The following GPC6 variants were observed in gnomAD, a reference collection of about 807,000 sequenced individuals.
GPC6 encodes glypican-6.
GPC6 carries 14 observed loss-of-function variants against 55.2 expected under a neutral mutation model. That is an observed-to-expected ratio of 0.25 (90% CI 0.17 to 0.40). The LOEUF (loss-of-function observed/expected upper bound fraction) is 0.40. Among genes scored for constraint, GPC6 ranks in the 10% least tolerant of loss-of-function variants. GPC6 has a pLI of 1.00. For synonymous variants in GPC6, 278 were observed against 259.6 expected (o/e 1.07, Z -0.68); for missense variants, 641 against 708.5 (o/e 0.90, Z 1.08).
chr13:93,599,699 C>G (rs1877929801), intron 2 of GPC6, among the ~76,000 whole-genome samples: 1 of 152,128 alleles, frequency 6.6e-6, no homozygotes, highest in Non-Finnish European at 1.5e-5. Flanking sequence ...TTATTTTTTT[C>G]ACTGTTACTG....
chr13:93,429,391 G>A (rs562862051), intron 1 of GPC6, among the ~76,000 whole-genome samples: 2 of 152,088 alleles, frequency 1.3e-5, no homozygotes, highest in South Asian at 2.1e-4. Flanking sequence ...CTTGGCATTC[G>A]TAGCTCTATT....
At chr13:93,415,630 C>G (rs1338596546) in intron 1 of GPC6, among the ~76,000 whole-genome samples, 1 of 152,128 alleles carries the variant, frequency 6.6e-6, no homozygotes, top group Non-Finnish European at 1.5e-5. Context: ...ACCATGCTTT[C>G]TAGCACCAAT....
intron 3 of GPC6, among the ~76,000 whole-genome samples, chr13:93,923,882 T>G (rs1157893003): frequency 6.6e-6 from 1 of 152,232 alleles, no homozygotes; most frequent in African/African-American, 2.4e-5. Flanking sequence ...TTATTACTCA[T>G]GATCTATCCT....
chr13:93,467,544 C>A (rs1294099201), intron 1 of GPC6, among the ~76,000 whole-genome samples: 1 of 150,432 alleles, frequency 6.6e-6, no homozygotes, highest in African/African-American at 2.5e-5. Flanking sequence ...CAGAATAATA[C>A]CTGATGCTAC....
At chr13:94,234,474 T>A (rs7321687) in intron 4 of GPC6, among the ~76,000 whole-genome samples, 8 of 149,642 alleles carry the variant, frequency 5.3e-5, no homozygotes, top group Non-Finnish European at 1.0e-4. Context: ...AAAATATGTC[T>A]CTGTTGAACA....
intron 1 of GPC6, among the ~76,000 whole-genome samples, chr13:93,342,243 G>A (rs369496726): frequency 2.0e-5 from 3 of 152,100 alleles, no homozygotes; most frequent in East Asian, 3.9e-4. Context: ...AAGACTGGGA[G>A]AACATAGGTG....
chr13:93,615,441 G>A (rs1461893656), intron 2 of GPC6, among the ~76,000 whole-genome samples: 3 of 152,066 alleles, frequency 2.0e-5, no homozygotes, highest in Non-Finnish European at 2.9e-5. Flanking sequence ...TAGATATTCA[G>A]TGAAAAAGGT....
rs144359190 is a variant in GPC6 at position 94,234,172 on chromosome 13, G to A, written c.878-52177G>A. The stretch of plus-strand genomic sequence containing the variant: ...ATCTGGGGAAACCGAGGCTCAGATA[G>A]GTGATTCAAAGCCTAAATGCTAAAG... On this transcript the variant is annotated intron_variant, in intron 4 of 8. Transcript: ENST00000377047. 1.9e-3 allele frequency among the ~76,000 whole-genome samples: 292 copies of A among 152,226 alleles called. 3 individuals are homozygous for A. The highest frequency in any genetic ancestry group is 6.7e-3 in the African/African-American group (280 of 41,526).
At chr13:94,398,794 G>A (rs761119673) in intron 8 of GPC6, among the ~76,000 whole-genome samples, 153 bp downstream of exon 8, 1 of 152,138 alleles carries the variant, frequency 6.6e-6, no homozygotes, top group Non-Finnish European at 1.5e-5. Context: ...TGGACAGAGA[G>A]CTCTGATCCA....
chr13:93,436,457 C>T (rs946822518), intron 1 of GPC6, among the ~76,000 whole-genome samples: 8 of 152,006 alleles, frequency 5.3e-5, no homozygotes, highest in East Asian at 1.9e-4. Flanking sequence ...CTTTTTTATA[C>T]GGATGGTTAA....
Position 93,353,758 on chromosome 13 carries a change from C to T in GPC6, c.160+126142C>T, listed in dbSNP as rs150305768. Among the ~76,000 whole-genome samples, 5 of 152,270 alleles carry T rather than the reference C, an allele frequency of 3.3e-5. 1 individual carries two copies. Among genetic ancestry groups the T allele is most frequent in the Non-Finnish European group, 7.4e-5 (5 of 68,020 alleles). ...TACTATAGGTAAGTTGGGCGGAAATCCTTGCTGTTATGTTTAATGTCCCTT... is the reference window on the plus strand; with the variant it reads ...TACTATAGGTAAGTTGGGCGGAAATTCTTGCTGTTATGTTTAATGTCCCTT... On this transcript the variant is annotated intron_variant, in intron 1 of 8. Coordinates refer to ENST00000377047, the MANE Select transcript of GPC6 (RefSeq NM_005708.5).
intron 2 of GPC6, among the ~76,000 whole-genome samples, chr13:93,735,618 A>G (rs1458439662): frequency 6.6e-6 from 1 of 152,156 alleles, no homozygotes; most frequent in African/African-American, 2.4e-5. Context: ...CAGGTTAGTC[A>G]TGAAACTGAT....
chr13:94,195,722 C>T (rs1889551054), intron 4 of GPC6, among the ~76,000 whole-genome samples: 1 of 152,180 alleles, frequency 6.6e-6, no homozygotes, highest in African/African-American at 2.4e-5. Context: ...AAATGTGGCT[C>T]CTGCCACACA....
chr13:93,634,292 G>T (rs1026107465), intron 2 of GPC6, among the ~76,000 whole-genome samples: 8 of 152,190 alleles, frequency 5.3e-5, no homozygotes, highest in Non-Finnish European at 7.3e-5. Flanking sequence ...AGACATTAGT[G>T]ACGCCTTATG....
intron 6 of GPC6, among the ~76,000 whole-genome samples, chr13:94,322,483 G>A (rs1027301156): frequency 3.3e-5 from 5 of 152,130 alleles, no homozygotes; most frequent in African/African-American, 9.7e-5. Context: ...TTCATGGGCA[G>A]TGTGTCTCGT....
At chr13:93,681,135 T>C (rs1414828970) in intron 2 of GPC6, among the ~76,000 whole-genome samples, 1 of 152,180 alleles carries the variant, frequency 6.6e-6, no homozygotes, top group East Asian at 1.9e-4. Context: ...TTGATAAGTA[T>C]GAAGAAGATA....
At chr13:93,953,315 T>C (rs1240934930) in intron 3 of GPC6, among the ~76,000 whole-genome samples, 2 of 152,184 alleles carry the variant, frequency 1.3e-5, no homozygotes, top group Non-Finnish European at 2.9e-5. Context: ...TGACTCTTCA[T>C]ATTGTCATCT....
chr13:93,752,764 A>G (rs1884641695), intron 2 of GPC6, among the ~76,000 whole-genome samples: 1 of 152,130 alleles, frequency 6.6e-6, no homozygotes, highest in South Asian at 2.1e-4. Context: ...TGCAACATTT[A>G]TGGGACAGGC....
At position 93,300,081 on chromosome 13, in the gene GPC6, T is replaced by A. The variant is rs180925021; in HGVS notation, c.160+72465T>A. The stretch of plus-strand genomic sequence containing the variant: ...GCCTGCAGGGCAGAGAGATATTCTA[T>A]CTCCAAATACATGCCAAGGTCACCG... On this transcript the variant is annotated intron_variant, in intron 1 of 8. Transcript: ENST00000377047. Among the ~76,000 whole-genome samples the A allele has an allele frequency of 1.5e-3, 222 of 152,306 alleles. 2 individuals carry two copies. Among genetic ancestry groups the A allele is most frequent in the African/African-American group, 5.1e-3 (212 of 41,572 alleles).
Sources: allele counts gnomAD v4.1 joint callset (sites outside exome capture counted in the v4.1 genomes callset), GRCh38; gene constraint gnomAD v4.1.1; transcripts MANE v1.5; gene names NCBI Gene and HGNC (gene_info 2026-07-23, HGNC 2026-07-21).